IQCM: variants seen among roughly 807,000 people sequenced by gnomAD.
IQCM encodes the protein IQ domain-containing protein M.
A neutral mutation model predicts 57.6 loss-of-function variants in IQCM; 45 were observed. The ratio of observed to expected loss-of-function variants is 0.78; its 90% CI spans 0.62 to 1.00. The LOEUF is 1.00. IQCM is among the 50% of genes least tolerant of loss of function. The probability of loss-of-function intolerance (pLI) is 0.00; values close to 1 mark genes in which losing one functional copy is unlikely to be tolerated. For synonymous variants in IQCM, 148 were observed against 158.9 expected, an observed-to-expected ratio of 0.93 and a Z score of 0.51; for missense variants, 468 against 511.6, an observed-to-expected ratio of 0.91 and a Z score of 0.82.
intron 8 of IQCM, among the ~76,000 whole-genome samples, chr4:149,614,475 A>G (rs1755600059): frequency 6.6e-6 from 1 of 152,064 alleles, no homozygotes; most frequent in African/African-American, 2.4e-5. Context: ...TCTGAGATGA[A>G]TCCTGTCTTT....
At chr4:149,710,265 G>C (rs1764465421) in intron 5 of IQCM, among the ~76,000 whole-genome samples, 2 of 151,996 alleles carry the variant, frequency 1.3e-5, no homozygotes, top group Admixed American at 6.6e-5. Flanking sequence ...TTAAAATCAG[G>C]CTTCACTTAA....
At chr4:149,633,118 G>C (rs1413671496) in intron 7 of IQCM, among the ~76,000 whole-genome samples, 1 of 125,986 alleles carries the variant, frequency 7.9e-6, no homozygotes, top group Non-Finnish European at 1.6e-5. Flanking sequence ...CCGAGATTGC[G>C]CCACTGCAGT....
intron 5 of IQCM, chr4:149,690,954 G>T (rs558010334): frequency 1.3e-5 from 2 of 152,216 alleles, no homozygotes; most frequent in African/African-American, 4.8e-5. Flanking sequence ...GGATTCATCA[G>T]TAAAAGTGGG....
At chr4:149,368,812 ATATATACATATATATACATG>A (rs1404917582) in intron 13 of IQCM, among the ~76,000 whole-genome samples, 2 of 97,842 alleles carry the variant, frequency 2.0e-5, no homozygotes, top group African/African-American at 8.6e-5. Flanking sequence ...ATACATGTAT[ATATATACATATATATACATG>A]TATATATATA....
intron 13 of IQCM, among the ~76,000 whole-genome samples, chr4:149,426,724 T>G (rs1734486157): frequency 6.6e-6 from 1 of 151,996 alleles, no homozygotes; most frequent in South Asian, 2.1e-4. Flanking sequence ...AGTGTCCTCA[T>G]GACATGGCAG....
intron 8 of IQCM, among the ~76,000 whole-genome samples, chr4:149,588,944 C>T (rs2150002560): frequency 6.6e-6 from 1 of 152,030 alleles, no homozygotes; most frequent in South Asian, 2.1e-4. Context: ...CCAGCTTCAA[C>T]AGCATCACTT....
chr4:149,583,449 C>T (rs1471893071), intron 9 of IQCM, among the ~76,000 whole-genome samples: 1 of 151,514 alleles, frequency 6.6e-6, no homozygotes, highest in Admixed American at 6.6e-5. Context: ...AAAGACCTAT[C>T]AATTGTTATA....
intron 5 of IQCM, among the ~76,000 whole-genome samples, chr4:149,714,667 C>A (rs1213406276): frequency 1.3e-5 from 2 of 152,120 alleles, no homozygotes; most frequent in Admixed American, 1.3e-4. Flanking sequence ...ACATTAGGCA[C>A]AGTAAAAGAT....
intron 5 of IQCM, among the ~76,000 whole-genome samples, chr4:149,707,668 C>A (rs965482660): frequency 6.6e-6 from 1 of 151,948 alleles, no homozygotes; most frequent in Admixed American, 6.6e-5. Flanking sequence ...TTCCAGTGGA[C>A]TTGGGGGAAA....
intron 12 of IQCM, among the ~76,000 whole-genome samples, chr4:149,493,953 T>TA (rs1742378206): frequency 1.3e-5 from 2 of 151,786 alleles, no homozygotes; most frequent in Admixed American, 6.6e-5. Flanking sequence ...AGCAGAATTA[T>TA]AATCAGACAC....
rs147745470 is a variant in IQCM at position 149,432,114 on chromosome 4, T to C, written c.1390+1282A>G. 7.7e-3 allele frequency among the ~76,000 whole-genome samples: 1,163 copies of C among 151,976 alleles called. 21 individuals are homozygous for C. The highest frequency in any genetic ancestry group is 0.027 in the African/African-American group (1,108 of 41,526). On this transcript the variant is annotated intron_variant, in intron 13 of 13. Transcript: ENST00000636793. The stretch of plus-strand genomic sequence containing the variant: ...CTAGGCTTTATGATTAGAATATATT[T>C]AATTTATAAGAAAGTATCAAAATAT...
At chr4:149,587,829 C>T in intron 9 of IQCM, 101 bp downstream of exon 9, 1 of 478,988 alleles carries the variant, frequency 2.1e-6, no homozygotes, top group Non-Finnish European at 3.3e-6. Flanking sequence ...CTTTCAACAA[C>T]CTATACTTCC....
At chr4:149,393,226 G>A (rs537385412) in intron 13 of IQCM, among the ~76,000 whole-genome samples, 21 of 151,842 alleles carry the variant, frequency 1.4e-4, no homozygotes, top group African/African-American at 4.8e-4. Context: ...TAAAATATCA[G>A]GCAATGTGAA....
chr4:149,463,958 A>G (rs2149714350), intron 12 of IQCM, among the ~76,000 whole-genome samples: 1 of 152,316 alleles, frequency 6.6e-6, no homozygotes, highest in South Asian at 2.1e-4. Context: ...CTTTTTCGAA[A>G]GTTTTGAATC....
chr4:149,597,467 T>G (rs527905747), intron 8 of IQCM, among the ~76,000 whole-genome samples: 10 of 152,192 alleles, frequency 6.6e-5, no homozygotes, highest in Non-Finnish European at 8.8e-5. Flanking sequence ...CTCAGCTCAC[T>G]ACAACCTCCA....
rs147670580 is a variant in IQCM, at chr4:149,782,670, A to T, written c.-49+32641T>A. On this transcript the variant is annotated intron_variant, in intron 2 of 13. Transcript: ENST00000636793. ...ATAAGATTCAAAAGAAAAAGGAAGAATCCAGAACTTAAAAAAAAAAAAACA... is the reference window on the plus strand; with the variant it reads ...ATAAGATTCAAAAGAAAAAGGAAGATTCCAGAACTTAAAAAAAAAAAAACA... Among the ~76,000 whole-genome samples the T allele has an allele frequency of 4.5e-3, 687 of 151,568 alleles. 5 individuals are homozygous for T. The highest frequency in any genetic ancestry group is 0.011 in the South Asian group (53 of 4,814).
At chr4:149,735,890 A>T (rs1490992795) in intron 3 of IQCM, among the ~76,000 whole-genome samples, 1 of 152,044 alleles carries the variant, frequency 6.6e-6, no homozygotes, top group African/African-American at 2.4e-5. Context: ...TAGAAGCAGC[A>T]CTGAAATTCA....
chr4:149,583,644 A>C (rs537923481), intron 9 of IQCM, among the ~76,000 whole-genome samples: 1 of 151,786 alleles, frequency 6.6e-6, no homozygotes, highest in Non-Finnish European at 1.5e-5. Flanking sequence ...GAAAACGTAG[A>C]CTTTTGCAAT....
intron 13 of IQCM, among the ~76,000 whole-genome samples, chr4:149,393,379 T>C (rs910646812): frequency 6.6e-6 from 1 of 151,640 alleles, no homozygotes; most frequent in Non-Finnish European, 1.5e-5. Flanking sequence ...GTAGAGCAGA[T>C]GGAAGATATG....
Sources: allele counts gnomAD v4.1 joint callset (sites outside exome capture counted in the v4.1 genomes callset), GRCh38; gene constraint gnomAD v4.1.1; transcripts MANE v1.5; gene names NCBI Gene and HGNC (gene_info 2026-07-23, HGNC 2026-07-21).